Variants in BRD4 observed in about 807,000 individuals in gnomAD.
BRD4 encodes the protein bromodomain containing 4.
In BRD4, 16 loss-of-function variants were observed where a neutral mutation model predicts 142.1. That is an observed-to-expected ratio of 0.11 (90% confidence interval 0.08 to 0.17). The LOEUF (loss-of-function observed/expected upper bound fraction) is 0.17. BRD4 is among the 10% of genes least tolerant of loss of function. The pLI is 1.00. For missense variants in BRD4, 1,424 were observed against 1,810.9 expected (o/e 0.79, Z 3.88); for synonymous variants, 833 against 707.5 (o/e 1.18, Z -2.82).
At chr19:15,244,106 A>ACCAGGGCC in intron 13 of BRD4, 125 bp downstream of exon 13, 10 of 1,509,186 alleles carry the variant, frequency 6.6e-6, no homozygotes, top group Admixed American at 2.1e-5. Context: ...GAAGCCACAG[A>ACCAGGGCC]TCTTCCCTCT....
intron 1 of BRD4, among the ~76,000 whole-genome samples, chr19:15,308,045 C>T (rs2047929426): frequency 7.1e-6 from 1 of 141,274 alleles, no homozygotes; most frequent in Non-Finnish European, 1.5e-5. Context: ...ACCCGGGAAA[C>T]AGGCTGCAGT....
intron 1 of BRD4, among the ~76,000 whole-genome samples, chr19:15,302,166 CAA>C (rs779863415): frequency 2.3e-5 from 3 of 133,178 alleles, no homozygotes; most frequent in Non-Finnish European, 3.3e-5. Context: ...GACTTCATCT[CAA>C]AAAAAAAAAA....
rs1406057825 is a variant in BRD4, at chr19:15,255,670, TGGG to T, written c.1752-81_1752-79del. 3 of 1,500,650 alleles carry T rather than the reference TGGG, an allele frequency of 2.0e-6. No homozygotes were observed. In the African/African-American group the frequency reaches 4.2e-5, roughly 21 times the overall value. 93.0% of individuals were successfully genotyped at this position (1,500,650 alleles called of 1,614,324 possible). A position where few individuals can be genotyped will look rare whatever the true frequency, so the allele number is the denominator to read the frequency against. ...GGCACTCATTCCTCCACATGTATGT[TGGG>T]GGGAAGGGGTGCCCTTCCCATACCC... is the stretch of plus-strand genomic sequence containing the variant. On this transcript the variant is annotated intron_variant, in intron 9 of 19. Coordinates refer to ENST00000679869, the MANE Select transcript of BRD4 (RefSeq NM_001379291.1).
chr19:15,273,367 AG>A lies in BRD4; in HGVS notation c.-34-235del, dbSNP rs1341795843. ...ACAAACCAACAGAGGAGGCAGAGTG[AG>A]GTGGTGAGAGCCCACTAGGAGCCAG... On this transcript the variant is annotated intron_variant, in intron 1 of 19. Coordinates refer to ENST00000679869, the MANE Select transcript of BRD4 (RefSeq NM_001379291.1). Among the ~76,000 whole-genome samples the A allele has an allele frequency of 2.0e-5, 3 of 152,310 alleles. No individual in the cohort carries two copies. The East Asian group carries it at 5.8e-4, about 29-fold the overall frequency.
At chr19:15,312,234 C>T (rs2047977779) in intron 1 of BRD4, among the ~76,000 whole-genome samples, 1 of 152,164 alleles carries the variant, frequency 6.6e-6, no homozygotes, top group Non-Finnish European at 1.5e-5. Flanking sequence ...CTTGTAGCTC[C>T]CATTTGTAAT....
intron 1 of BRD4, among the ~76,000 whole-genome samples, chr19:15,302,695 G>A (rs1338284077): frequency 7.9e-6 from 1 of 126,392 alleles, no homozygotes; most frequent in Admixed American, 8.4e-5. Context: ...AAAAAAAAAA[G>A]GATTAAAAAA....
rs767962970 is a variant in BRD4, at chr19:15,264,775, A to C, written c.850-9T>G. On this transcript the variant is annotated splice_polypyrimidine_tract_variant and intron_variant, in intron 5 of 19. Coordinates refer to ENST00000679869, the MANE Select transcript of BRD4 (RefSeq NM_001379291.1). ...TTCACTCCCTTCTTTGTCTGCCAAGAACACGGACGCCAACAGGCACAGTCA... is the reference window on the plus strand; with the variant it reads ...TTCACTCCCTTCTTTGTCTGCCAAGCACACGGACGCCAACAGGCACAGTCA... 1.9e-6 allele frequency: 3 copies of C among 1,590,124 alleles called. No homozygotes were observed. In the Admixed American group the frequency reaches 5.1e-5, roughly 27 times the overall value.
At chr19:15,244,965 T>TAGGAAAAGCAGCAG in intron 11 of BRD4, 1 of 916,782 alleles carries the variant, frequency 1.1e-6, no homozygotes, top group Non-Finnish European at 1.6e-6. Flanking sequence ...ACTTGCCTGC[T>TAGGAAAAGCAGCAG]GCTTTTCCTA....
At chr19:15,252,973 A>C (rs2145559253) in intron 11 of BRD4, 1 of 196,650 alleles carries the variant, frequency 5.1e-6, no homozygotes, top group East Asian at 8.0e-5. Flanking sequence ...GGCACGATCA[A>C]GTTATTTACA....
At chr19:15,309,504 G>C (rs2047948021) in intron 1 of BRD4, among the ~76,000 whole-genome samples, 2 of 152,118 alleles carry the variant, frequency 1.3e-5, no homozygotes, top group African/African-American at 4.8e-5. Context: ...AAAACAGTCT[G>C]GCAGTTCCTC....
intron 1 of BRD4, among the ~76,000 whole-genome samples, chr19:15,315,658 C>T (rs2048010688): frequency 1.3e-5 from 2 of 152,018 alleles, no homozygotes. Flanking sequence ...AGTTAAAGAC[C>T]AGTCTGAAAA....
chr19:15,237,495 A>G lies in BRD4; in HGVS notation c.*882T>C, dbSNP rs200950657. The G allele has an allele frequency of 8.8e-6, 2 of 226,450 alleles. No homozygotes were observed. Among genetic ancestry groups the G allele is most frequent in the Non-Finnish European group, 1.8e-5 (2 of 113,958 alleles). The allele number at this position is 226,450 out of a possible 1,614,324, so 14.0% of individuals were successfully genotyped here. A position where few individuals can be genotyped will look rare whatever the true frequency, so the allele number is the denominator to read the frequency against. On this transcript the variant is annotated 3_prime_UTR_variant, in exon 20 of 20. Transcript: ENST00000679869. ...GTACAGCCACGGTCACACACTACCC[A>G]CAGCGCGGTGGCAGCCGCTGCTCAA...
At position 15,264,749 on chromosome 19, in the gene BRD4, C is replaced by T. The variant is rs1310334917; in HGVS notation, c.867G>A (p.Lys289=). 1.2e-6 allele frequency: 2 copies of T among 1,604,068 alleles called. No homozygotes were observed. Among genetic ancestry groups the T allele is most frequent in the Middle Eastern group, 2.2e-4 (1 of 4,644 alleles). Residue 289 remains lysine (K), a synonymous_variant, in exon 6 of 20, where the codon AAG becomes AAA. Coordinates refer to ENST00000679869, the MANE Select transcript of BRD4 (RefSeq NM_001379291.1). ...PQPVKTKKGV[K]RKADTTTPTT... Reference sequence around the variant, plus strand: ...TGGGGGTGGTGGTGTCTGCTTTCCTCTTCACTCCCTTCTTTGTCTGCCAAG... The same window carrying T: ...TGGGGGTGGTGGTGTCTGCTTTCCTTTTCACTCCCTTCTTTGTCTGCCAAG...
chr19:15,252,631 T>C (rs1421939774), intron 11 of BRD4, among the ~76,000 whole-genome samples: 1 of 152,188 alleles, frequency 6.6e-6, no homozygotes, highest in African/African-American at 2.4e-5. Context: ...TGCTGGCTGA[T>C]GGATTACAAA....
At chr19:15,249,585 C>T (rs763922929) in intron 11 of BRD4, among the ~76,000 whole-genome samples, 40 of 152,208 alleles carry the variant, frequency 2.6e-4, no homozygotes, top group Non-Finnish European at 4.3e-4. Context: ...GCAAGCTCCA[C>T]GTGTGCCCTG....
intron 1 of BRD4, among the ~76,000 whole-genome samples, chr19:15,325,080 C>A (rs1048388295): frequency 6.6e-6 from 1 of 152,146 alleles, no homozygotes; most frequent in Admixed American, 6.5e-5. Flanking sequence ...CACTTCTATT[C>A]TTCACCTTGG....
chr19:15,260,079 TC>T (rs1289198039), intron 7 of BRD4, among the ~76,000 whole-genome samples: 2 of 143,714 alleles, frequency 1.4e-5, no homozygotes, highest in South Asian at 4.5e-4. Context: ...CTGCCCGGCA[TC>T]CCACAGACCT....
intron 1 of BRD4, among the ~76,000 whole-genome samples, chr19:15,318,584 A>G (rs151116378): frequency 6.4e-4 from 97 of 152,338 alleles, no homozygotes; most frequent in African/African-American, 2.2e-3. Context: ...ATGCGTAAGC[A>G]AATGTCCCGC....
chr19:15,264,971 T>G (rs1354456268), intron 5 of BRD4, among the ~76,000 whole-genome samples: 1 of 152,196 alleles, frequency 6.6e-6, no homozygotes, highest in African/African-American at 2.4e-5. Context: ...GACCTGCCTG[T>G]GGCAGGAGAA....
Sources: gnomAD v4.1 joint callset for allele counts (sites outside exome capture counted in the v4.1 genomes callset) on GRCh38, gnomAD v4.1.1 for gene constraint, MANE v1.5 for transcripts, NCBI Gene and HGNC (gene_info 2026-07-23, HGNC 2026-07-21) for gene names.